The following TESC variants were observed in gnomAD, a reference collection of about 807,000 sequenced individuals.
TESC encodes calcineurin B homologous protein 3.
In TESC, 19 loss-of-function variants were observed where a neutral mutation model predicts 31.0. The ratio of observed to expected loss-of-function variants is 0.61; its 90% CI spans 0.43 to 0.90. TESC has a LOEUF of 0.90. Among genes scored for constraint, TESC ranks in the 40% least tolerant of loss-of-function variants. The pLI is 0.00. For missense variants in TESC, 248 were observed against 303.8 expected, an observed-to-expected ratio of 0.82 and a Z score of 1.36; for synonymous variants, 109 against 114.8, an observed-to-expected ratio of 0.95 and a Z score of 0.32.
At chr12:117,075,997 T>A (rs1335231707) in intron 1 of TESC, among the ~76,000 whole-genome samples, 1 of 139,326 alleles carries the variant, frequency 7.2e-6, no homozygotes, top group Non-Finnish European at 1.5e-5. Context: ...TTTTTTTTTT[T>A]AGAAATACAG....
intron 2 of TESC, among the ~76,000 whole-genome samples, chr12:117,073,799 A>G (rs570674747): frequency 6.6e-6 from 1 of 152,336 alleles, no homozygotes; most frequent in African/African-American, 2.4e-5. Context: ...CCCAGCTGTA[A>G]GTAACTCAAG....
chr12:117,099,392 G>A lies in TESC; in HGVS notation c.-110C>T, dbSNP rs996977433. The A allele has an allele frequency of 4.4e-6, 5 of 1,125,978 alleles. No homozygotes were observed. Among genetic ancestry groups the A allele is most frequent in the Non-Finnish European group, 5.7e-6 (5 of 877,346 alleles). 69.7% of individuals were successfully genotyped at this position (1,125,978 alleles called of 1,614,324 possible). ...GGTCCGGCCTCGGGTCGGGACGCCG[G>A]CGAAGGCTCGGAGCCGCGGGTTCCG... On this transcript the variant is annotated 5_prime_UTR_variant, in exon 1 of 8. Coordinates refer to ENST00000335209, the MANE Select transcript of TESC (RefSeq NM_017899.4).
At chr12:117,057,461 C>T (rs541945267) in intron 2 of TESC, among the ~76,000 whole-genome samples, 3 of 152,106 alleles carry the variant, frequency 2.0e-5, no homozygotes, top group Non-Finnish European at 4.4e-5. Context: ...AATGCAGAGA[C>T]GTGGGATTTG....
chr12:117,039,672 G>C (rs544954488), intron 7 of TESC, among the ~76,000 whole-genome samples: 3 of 152,326 alleles, frequency 2.0e-5, no homozygotes, highest in South Asian at 4.1e-4. Context: ...CGGTCACAAG[G>C]CTTCGCTAGG....
intron 1 of TESC, among the ~76,000 whole-genome samples, chr12:117,088,276 C>T (rs560152727): frequency 3.4e-4 from 51 of 152,188 alleles, no homozygotes; most frequent in Admixed American, 7.2e-4. Context: ...TGAGAGTGGG[C>T]GAGTGGGTGT....
intron 2 of TESC, among the ~76,000 whole-genome samples, chr12:117,071,329 A>G (rs1056854530): frequency 6.6e-6 from 1 of 152,214 alleles, no homozygotes; most frequent in African/African-American, 2.4e-5. Context: ...AAAGGCAATC[A>G]GTTCCTGCCC....
At chr12:117,096,815 AT>A (rs1937665049) in intron 1 of TESC, among the ~76,000 whole-genome samples, 5 of 151,986 alleles carry the variant, frequency 3.3e-5, no homozygotes, top group Admixed American at 3.3e-4. Flanking sequence ...ATGCATTCTT[AT>A]TTACTGTTGC....
intron 2 of TESC, among the ~76,000 whole-genome samples, chr12:117,072,830 T>C (rs1954992037): frequency 6.6e-6 from 1 of 152,030 alleles, no homozygotes; most frequent in Admixed American, 6.6e-5. Context: ...CAGCCTGGAG[T>C]ACAGTGGTGC....
intron 6 of TESC, among the ~76,000 whole-genome samples, chr12:117,045,007 G>A (rs1018899518): frequency 3.3e-5 from 5 of 152,214 alleles, no homozygotes; most frequent in Admixed American, 6.5e-5. Flanking sequence ...CGGATGGCAC[G>A]GTCAGAACGG....
chr12:117,046,992 C>T (rs944942521), intron 4 of TESC, among the ~76,000 whole-genome samples, 154 bp from the exon 5 acceptor site: 2 of 152,090 alleles, frequency 1.3e-5, no homozygotes, highest in Admixed American at 6.6e-5. Context: ...ACCAGACTGA[C>T]TACTTCCTAC....
intron 3 of TESC, 134 bp downstream of exon 3, chr12:117,056,672 C>T: frequency 3.3e-6 from 3 of 922,802 alleles, no homozygotes; most frequent in East Asian, 2.5e-5. Flanking sequence ...CAAACCTATG[C>T]TCATAACCCC....
At chr12:117,071,783 G>A (rs1023867773) in intron 2 of TESC, among the ~76,000 whole-genome samples, 1 of 152,176 alleles carries the variant, frequency 6.6e-6, no homozygotes, top group Non-Finnish European at 1.5e-5. Context: ...CTGGGAGGTA[G>A]GAGTCCGGCG....
intron 1 of TESC, among the ~76,000 whole-genome samples, chr12:117,076,605 A>G (rs578107584): frequency 5.7e-4 from 87 of 152,188 alleles, no homozygotes; most frequent in Non-Finnish European, 1.1e-3. Flanking sequence ...CACCACGCCC[A>G]GCTAATTTTT....
At chr12:117,042,772 C>A (rs759950047) in intron 6 of TESC, among the ~76,000 whole-genome samples, 1 of 152,178 alleles carries the variant, frequency 6.6e-6, no homozygotes, top group African/African-American at 2.4e-5. Context: ...AGCGAAAACC[C>A]GCTGACATCC....
At chr12:117,070,521 C>T (rs1024566141) in intron 2 of TESC, among the ~76,000 whole-genome samples, 2 of 152,146 alleles carry the variant, frequency 1.3e-5, no homozygotes, top group East Asian at 1.9e-4. Context: ...ATTATAAACG[C>T]ACCTCCCCCA....
At chr12:117,044,985 G>T (rs1024308792) in intron 6 of TESC, among the ~76,000 whole-genome samples, 2 of 152,222 alleles carry the variant, frequency 1.3e-5, no homozygotes, top group South Asian at 4.1e-4. Context: ...ACCAGGGATT[G>T]TTTGTCTTTG....
chr12:117,061,417 G>A (rs1954799518), intron 2 of TESC, among the ~76,000 whole-genome samples: 1 of 152,182 alleles, frequency 6.6e-6, no homozygotes, highest in East Asian at 1.9e-4. Context: ...TGGAAGGAGA[G>A]CAGACCCCAA....
At chr12:117,092,858 T>C (rs1333170705) in intron 1 of TESC, among the ~76,000 whole-genome samples, 1 of 152,244 alleles carries the variant, frequency 6.6e-6, no homozygotes, top group African/African-American at 2.4e-5. Context: ...TACTGAGGCA[T>C]GATTTCCATA....
intron 1 of TESC, among the ~76,000 whole-genome samples, chr12:117,083,682 G>C (rs772333566): frequency 3.3e-5 from 5 of 152,238 alleles, no homozygotes; most frequent in Admixed American, 6.5e-5. Context: ...GAAGTGCCCT[G>C]AACAGGCAAA....
Sources: allele counts gnomAD v4.1 joint callset (sites outside exome capture counted in the v4.1 genomes callset), GRCh38; gene constraint gnomAD v4.1.1; transcripts MANE v1.5; gene names NCBI Gene and HGNC (gene_info 2026-07-23, HGNC 2026-07-21).